The following FMNL2 variants were observed in gnomAD, a reference collection of about 807,000 sequenced individuals.
The protein encoded by FMNL2 is formin like 2, also known as formin-like protein 2.
A neutral mutation model predicts 130.2 loss-of-function variants in FMNL2; 51 were observed. That is an observed-to-expected ratio of 0.39 (90% CI 0.31 to 0.49). The LOEUF (loss-of-function observed/expected upper bound fraction) is 0.49, where lower values mean the gene tolerates loss of function less well. FMNL2 is among the 20% of genes least tolerant of loss of function. The probability of loss-of-function intolerance (pLI) is 0.85; values close to 1 mark genes in which losing one functional copy is unlikely to be tolerated. For synonymous variants in FMNL2, 465 were observed against 467.1 expected (o/e 1.00, Z 0.06); for missense variants, 977 against 1,316.2 (o/e 0.74, Z 3.99).
chr2:152,339,782 G>C (rs1681692221), intron 1 of FMNL2, among the ~76,000 whole-genome samples: 1 of 152,170 alleles, frequency 6.6e-6, no homozygotes, highest in Admixed American at 6.5e-5. Context: ...TTTTAGGAAG[G>C]AGTGGGAACA....
At chr2:152,646,724 C>G (rs910268849) in intron 25 of FMNL2, among the ~76,000 whole-genome samples, 1 of 152,088 alleles carries the variant, frequency 6.6e-6, no homozygotes, top group Non-Finnish European at 1.5e-5. Flanking sequence ...ATTTCCCTTT[C>G]TAAAGATAGC....
chr2:152,379,449 T>C (rs942789736), intron 1 of FMNL2, among the ~76,000 whole-genome samples: 11 of 152,224 alleles, frequency 7.2e-5, no homozygotes, highest in Non-Finnish European at 5.9e-5. Context: ...GTCTCAGAGA[T>C]CTGGGCTGCC....
chr2:152,571,824 A>G (rs749688372), intron 6 of FMNL2, among the ~76,000 whole-genome samples: 5 of 152,206 alleles, frequency 3.3e-5, no homozygotes, highest in Non-Finnish European at 7.3e-5. Context: ...TCATGTATAT[A>G]CATTATTTTA....
At position 152,632,047 on chromosome 2, in the gene FMNL2, T is replaced by C; in HGVS notation, c.2590T>C (p.Leu864=). The C allele has an allele frequency of 6.2e-7, 1 of 1,613,326 alleles. No individual in the cohort carries two copies. Among genetic ancestry groups the C allele is most frequent in the Non-Finnish European group, 8.5e-7 (1 of 1,179,580 alleles). ...GTCAACAGACAGAAAGCAAACACTG[T>C]TGCACTATATATCCAATGTGGTGAA... ...TKSTDRKQTL[L]HYISNVVKEK... The change falls in exon 21 of 26, where the codon TTG becomes CTG. Residue 864 remains leucine (L), a synonymous_variant. Coordinates refer to ENST00000288670, the MANE Select transcript of FMNL2 (RefSeq NM_052905.4).
intron 1 of FMNL2, among the ~76,000 whole-genome samples, chr2:152,510,674 T>A (rs1692451100): frequency 6.6e-6 from 1 of 152,236 alleles, no homozygotes; most frequent in Admixed American, 6.5e-5. Flanking sequence ...TCTTTTCCGC[T>A]ACCACGAGGG....
chr2:152,619,823 T>TATC (rs1260308580), intron 15 of FMNL2, 105 bp downstream of exon 15: 1 of 1,501,112 alleles, frequency 6.7e-7, no homozygotes, highest in Non-Finnish European at 8.9e-7. Context: ...CAATGATGTG[T>TATC]ATCTCTTCCT....
chr2:152,583,008 T>C (rs1696877436), intron 9 of FMNL2, among the ~76,000 whole-genome samples: 1 of 152,246 alleles, frequency 6.6e-6, no homozygotes, highest in South Asian at 2.1e-4. Flanking sequence ...AGTACCTTTC[T>C]TATGCATAGT....
chr2:152,496,543 A>G (rs1691526598), intron 1 of FMNL2, among the ~76,000 whole-genome samples: 1 of 152,158 alleles, frequency 6.6e-6, no homozygotes, highest in African/African-American at 2.4e-5. Context: ...TTCACATCCT[A>G]CATTTGCTAA....
chr2:152,628,896 CT>C (rs1403986436), intron 18 of FMNL2, among the ~76,000 whole-genome samples: 1 of 152,166 alleles, frequency 6.6e-6, no homozygotes, highest in Admixed American at 6.5e-5. Flanking sequence ...GAAAATAAGA[CT>C]TTCATTTCTA....
intron 1 of FMNL2, among the ~76,000 whole-genome samples, chr2:152,461,154 G>A (rs1444106089): frequency 1.3e-5 from 2 of 152,172 alleles, no homozygotes; most frequent in African/African-American, 4.8e-5. Flanking sequence ...ATAGAAATAT[G>A]TGAACCATAT....
intron 4 of FMNL2, 74 bp downstream of exon 4, chr2:152,549,171 G>A: frequency 3.9e-6 from 4 of 1,024,738 alleles, no homozygotes; most frequent in Non-Finnish European, 5.5e-6. Context: ...CATACCCAAA[G>A]AATTGAGCTT....
At chr2:152,469,951 A>C (rs566587065) in intron 1 of FMNL2, among the ~76,000 whole-genome samples, 1 of 152,236 alleles carries the variant, frequency 6.6e-6, no homozygotes, top group Admixed American at 6.5e-5. Flanking sequence ...AGTACATGAA[A>C]CTGAAACACT....
chr2:152,625,328 C>T, intron 15 of FMNL2, 110 bp from the exon 16 acceptor site: 1 of 1,348,072 alleles, frequency 7.4e-7, no homozygotes, highest in Non-Finnish European at 9.9e-7. Flanking sequence ...CGCCTCTTGC[C>T]AACCTTCCTC....
At chr2:152,527,473 C>T (rs1579885678) in intron 2 of FMNL2, among the ~76,000 whole-genome samples, 1 of 152,132 alleles carries the variant, frequency 6.6e-6, no homozygotes, top group African/African-American at 2.4e-5. Flanking sequence ...TTTCTAATCT[C>T]TCTTTCCTTC....
intron 1 of FMNL2, among the ~76,000 whole-genome samples, chr2:152,459,752 C>A (rs1689143509): frequency 6.6e-6 from 1 of 152,116 alleles, no homozygotes; most frequent in South Asian, 2.1e-4. Flanking sequence ...ACACTAAAAT[C>A]TATTGAGTTG....
chr2:152,377,987 C>T (rs2105886267), intron 1 of FMNL2, among the ~76,000 whole-genome samples: 1 of 152,120 alleles, frequency 6.6e-6, no homozygotes, highest in African/African-American at 2.4e-5. Flanking sequence ...TGGCACATGC[C>T]TGTAGTCCCA....
chr2:152,425,126 A>T (rs1195030651), intron 1 of FMNL2, among the ~76,000 whole-genome samples: 2 of 152,212 alleles, frequency 1.3e-5, no homozygotes, highest in African/African-American at 4.8e-5. Flanking sequence ...TGGTCAAGTC[A>T]GTTTTCCAAA....
chr2:152,616,630 T>C (rs1246067328), intron 12 of FMNL2, among the ~76,000 whole-genome samples: 1 of 152,102 alleles, frequency 6.6e-6, no homozygotes, highest in Non-Finnish European at 1.5e-5. Context: ...CAACTTTTAT[T>C]ACTTGCATAG....
intron 1 of FMNL2, among the ~76,000 whole-genome samples, chr2:152,514,241 A>G (rs534199690): frequency 6.6e-6 from 1 of 152,294 alleles, no homozygotes; most frequent in South Asian, 2.1e-4. Flanking sequence ...CATTTACCTC[A>G]TTTGATTTGA....
Sources: allele counts gnomAD v4.1 joint callset (sites outside exome capture counted in the v4.1 genomes callset), GRCh38; gene constraint gnomAD v4.1.1; transcripts MANE v1.5; gene names NCBI Gene and HGNC (gene_info 2026-07-23, HGNC 2026-07-21).